Variants in RASGRP3 observed in about 807,000 individuals in gnomAD.
RASGRP3 encodes the protein ras guanyl-releasing protein 3.
A neutral mutation model predicts 82.7 loss-of-function variants in RASGRP3; 54 were observed. The ratio of observed to expected loss-of-function variants is 0.65; its 90% CI spans 0.52 to 0.82. The LOEUF (loss-of-function observed/expected upper bound fraction) is 0.82. Among genes scored for constraint, RASGRP3 ranks in the 40% least tolerant of loss-of-function variants. The probability of loss-of-function intolerance (pLI) is 0.00; values close to 1 mark genes in which losing one functional copy is unlikely to be tolerated. For synonymous variants in RASGRP3, 309 were observed against 300.5 expected (o/e 1.03, Z -0.29); for missense variants, 861 against 828.9 (o/e 1.04, Z -0.48).
At chr2:33,458,414 C>A (rs75447223) in intron 2 of RASGRP3, among the ~76,000 whole-genome samples, 2,812 of 152,162 alleles carry the variant, frequency 0.018, 101 homozygotes, top group African/African-American at 0.065. Context: ...GCTGGTGTAG[C>A]CATATCAGTT....
intron 2 of RASGRP3, among the ~76,000 whole-genome samples, chr2:33,460,358 T>G (rs1666291584): frequency 6.6e-6 from 1 of 152,192 alleles, no homozygotes; most frequent in African/African-American, 2.4e-5. Context: ...AGATACCTTT[T>G]TCTATCCTAT....
At chr2:33,532,739 A>G (rs927438139) in intron 10 of RASGRP3, 1 of 152,208 alleles carries the variant, frequency 6.6e-6, no homozygotes, top group African/African-American at 2.4e-5. Context: ...GTTTAGAAAA[A>G]AAACTTTGTG....
chr2:33,537,305 T>TAA (rs1673712186), intron 11 of RASGRP3, among the ~76,000 whole-genome samples: 1 of 59,630 alleles, frequency 1.7e-5, no homozygotes, highest in African/African-American at 9.2e-5. Flanking sequence ...GTCTCTAAAA[T>TAA]ACACACACAC....
chr2:33,524,248 A>T (rs1472612718), intron 8 of RASGRP3, among the ~76,000 whole-genome samples, 184 bp from the exon 9 acceptor site: 4 of 152,210 alleles, frequency 2.6e-5, no homozygotes, highest in African/African-American at 9.7e-5. Flanking sequence ...GAAGCATTTA[A>T]TGTAGCTATT....
At position 33,511,846 on chromosome 2, in the gene RASGRP3, A is replaced by T. The variant is rs188818474; in HGVS notation, c.-128+4A>T. The T allele has an allele frequency of 3.3e-5, 5 of 152,776 alleles. No homozygotes were observed. The highest frequency in any genetic ancestry group is 2.6e-4 in the Admixed American group (4 of 15,296). 9.5% of individuals were successfully genotyped at this position (152,776 alleles called of 1,614,324 possible). A position where few individuals can be genotyped will look rare whatever the true frequency, so the allele number is the denominator to read the frequency against. On this transcript the variant is annotated splice_donor_region_variant and intron_variant, in intron 2 of 17. Transcript: ENST00000403687. ...TGTATCTGTATGGAAACAACAGGTA[A>T]GTATTTCTTTAAATTGTCATAAATT... is the stretch of plus-strand genomic sequence containing the variant.
At chr2:33,545,374 A>T (rs192607412) in intron 13 of RASGRP3, among the ~76,000 whole-genome samples, 9 of 152,362 alleles carry the variant, frequency 5.9e-5, no homozygotes, top group Middle Eastern at 6.8e-3. Flanking sequence ...GTACTTTTGA[A>T]AAAGGAACTA....
chr2:33,525,915 T>C (rs957836783), intron 9 of RASGRP3, among the ~76,000 whole-genome samples: 3 of 151,994 alleles, frequency 2.0e-5, no homozygotes, highest in African/African-American at 7.2e-5. Context: ...CTGACTCAGG[T>C]GCTCCGCCCG....
intron 1 of RASGRP3, among the ~76,000 whole-genome samples, chr2:33,503,833 G>A (rs545955776): frequency 2.0e-4 from 30 of 152,070 alleles, no homozygotes; most frequent in East Asian, 3.8e-4. Flanking sequence ...CAAAGTTAGC[G>A]TCTAAATGGT....
upstream of RASGRP3, among the ~76,000 whole-genome samples, chr2:33,475,511 C>A (rs927684414): frequency 3.9e-5 from 6 of 152,210 alleles, no homozygotes; most frequent in South Asian, 4.2e-4. Context: ...TTCAGAAATC[C>A]CCTGGGGGAC....
chr2:33,518,314 C>A (rs76307043), intron 4 of RASGRP3, among the ~76,000 whole-genome samples: 5,834 of 152,170 alleles, frequency 0.038, 154 homozygotes, highest in Middle Eastern at 0.068. Context: ...ATTTGTGTAT[C>A]TAAACATAGA....
intron 2 of RASGRP3, among the ~76,000 whole-genome samples, chr2:33,457,872 A>G (rs1330819293): frequency 1.3e-5 from 2 of 152,172 alleles, no homozygotes; most frequent in Non-Finnish European, 2.9e-5. Flanking sequence ...TTATAGTGAA[A>G]TTGTCAGGAG....
intron 1 of RASGRP3, among the ~76,000 whole-genome samples, chr2:33,478,786 C>T (rs1397274320): frequency 1.3e-5 from 2 of 152,214 alleles, no homozygotes; most frequent in African/African-American, 4.8e-5. Context: ...GAAGAGAGAG[C>T]TCAAGGCTTC....
Position 33,564,236 on chromosome 2 carries a change from A to C in RASGRP3, c.*1499A>C. On this transcript the variant is annotated 3_prime_UTR_variant, in exon 18 of 18. Coordinates refer to ENST00000403687, the MANE Select transcript of RASGRP3 (RefSeq NM_001139488.2). ...GCTGACAGCCCATGGGCATTAAGGC[A>C]AAGTAGTTCCAGTGATTTAAAATAC... 1 of 152,200 alleles carries C rather than the reference A, an allele frequency of 6.6e-6. No homozygotes were observed. Among genetic ancestry groups the C allele is most frequent in the Non-Finnish European group, 1.5e-5 (1 of 68,038 alleles). The allele number at this position is 152,200 out of a possible 1,614,324, so 9.4% of individuals were successfully genotyped here. A position where few individuals can be genotyped will look rare whatever the true frequency, so the allele number is the denominator to read the frequency against.
At chr2:33,450,332 T>C (rs1272932024) in intron 2 of RASGRP3, among the ~76,000 whole-genome samples, 1 of 152,170 alleles carries the variant, frequency 6.6e-6, no homozygotes, top group Non-Finnish European at 1.5e-5. Context: ...ACAGAACTTA[T>C]ACATCTTGTC....
chr2:33,473,456 C>T (rs1464925265), upstream of RASGRP3, among the ~76,000 whole-genome samples: 2 of 151,966 alleles, frequency 1.3e-5, no homozygotes, highest in East Asian at 1.9e-4. Context: ...GCATGTTTAG[C>T]TAATGAGCGC....
At chr2:33,466,958 C>T (rs1666732108) in intron 2 of RASGRP3, among the ~76,000 whole-genome samples, 1 of 152,166 alleles carries the variant, frequency 6.6e-6, no homozygotes, top group South Asian at 2.1e-4. Flanking sequence ...TAGTCAACCT[C>T]ACGAAAAGTC....
In RASGRP3 at chr2:33,519,440, C is replaced by T. The variant is rs866033761; in HGVS notation, c.174-512C>T. Among the ~76,000 whole-genome samples, 165 of 152,244 alleles carry T rather than the reference C, an allele frequency of 1.1e-3. 1 individual carries two copies. The highest frequency in any genetic ancestry group is 3.8e-3 in the African/African-American group (160 of 41,572). ...GACCATCCTGGCTAACACGGCGAAA[C>T]CCCGTCTCTACTAAAAATACAAAAA... On this transcript the variant is annotated intron_variant, in intron 4 of 17. Transcript: ENST00000403687.
intron 1 of RASGRP3, among the ~76,000 whole-genome samples, chr2:33,444,844 G>A (rs780165474): frequency 9.2e-5 from 14 of 152,182 alleles, no homozygotes; most frequent in Non-Finnish European, 1.5e-4. Flanking sequence ...TGATATGCTT[G>A]TAAAAGACTT....
intron 9 of RASGRP3, among the ~76,000 whole-genome samples, chr2:33,525,712 A>AAC (rs1359822726): frequency 2.0e-5 from 3 of 148,764 alleles, no homozygotes; most frequent in African/African-American, 7.4e-5. Context: ...AAAAAAAAAA[A>AAC]AAAAAAAAAA....
Sources: allele counts gnomAD v4.1 joint callset (sites outside exome capture counted in the v4.1 genomes callset), GRCh38; gene constraint gnomAD v4.1.1; transcripts MANE v1.5; gene names NCBI Gene and HGNC (gene_info 2026-07-23, HGNC 2026-07-21).